The following PIGL variants were observed in gnomAD, a reference collection of about 807,000 sequenced individuals.
The protein encoded by PIGL is N-acetylglucosaminyl-phosphatidylinositol de-N-acetylase.
In PIGL, 22 loss-of-function variants were observed where a neutral mutation model predicts 31.1. The ratio of observed to expected loss-of-function variants is 0.71; its 90% CI spans 0.51 to 1.01. The LOEUF (loss-of-function observed/expected upper bound fraction) is 1.01. Among genes scored for constraint, PIGL ranks in the 50% least tolerant of loss-of-function variants. The pLI is 0.00. For missense variants in PIGL, 302 were observed against 315.9 expected (o/e 0.96, Z 0.33); for synonymous variants, 131 against 117.4 (o/e 1.12, Z -0.75).
intron 2 of PIGL, among the ~76,000 whole-genome samples, chr17:16,295,058 A>G (rs758950775): frequency 6.6e-5 from 10 of 152,134 alleles, no homozygotes; most frequent in Non-Finnish European, 1.2e-4. Context: ...TCTTGGTTAG[A>G]CCTTGACTGA....
rs149786624 is a variant in PIGL, at chr17:16,313,732, C to T, written c.494+118C>T. On this transcript the variant is annotated intron_variant, in intron 4 of 6. Transcript: ENST00000225609. ...CTGAGCCCATGAAACTCACTGCTGGCTTATCTTCTAGCCCTTTTTGGCCAT... is the reference window on the plus strand; with the variant it reads ...CTGAGCCCATGAAACTCACTGCTGGTTTATCTTCTAGCCCTTTTTGGCCAT... 339 of 822,348 alleles carry T rather than the reference C, an allele frequency of 4.1e-4. No homozygotes were observed. The African/African-American group carries it at 4.5e-3, about 11-fold the overall frequency. 50.9% of individuals were successfully genotyped at this position (822,348 alleles called of 1,614,324 possible).
intron 2 of PIGL, among the ~76,000 whole-genome samples, chr17:16,293,243 G>A (rs571031547): frequency 3.9e-5 from 6 of 152,192 alleles, no homozygotes; most frequent in Non-Finnish European, 5.9e-5. Flanking sequence ...GCAATCTTTC[G>A]GCCTGGCGCA....
rs1380351748 is a variant in PIGL, at chr17:16,287,798, C to T, written c.336-12090C>T. Among the ~76,000 whole-genome samples the T allele has an allele frequency of 2.0e-5, 3 of 152,226 alleles. No individual in the cohort carries two copies. In the East Asian group the frequency reaches 5.8e-4, roughly 29 times the overall value. On this transcript the variant is annotated intron_variant, in intron 2 of 6. Coordinates refer to ENST00000225609, the MANE Select transcript of PIGL (RefSeq NM_004278.4). ...GTTATCTTTAGCATATTTCATAAGC[C>T]ACAATTCAGGAAGTTAGAGAAATTG... is the stretch of plus-strand genomic sequence containing the variant.
intron 2 of PIGL, among the ~76,000 whole-genome samples, chr17:16,258,093 G>GAGAA (rs1568802761): frequency 1.5e-5 from 2 of 132,936 alleles, no homozygotes; most frequent in Admixed American, 1.5e-4. Flanking sequence ...GAGAGAGAGA[G>GAGAA]AGAGAGAGAA....
Position 16,325,991 on chromosome 17 carries a change from C to A in PIGL, c.*93C>A. 1 of 895,494 alleles carries A rather than the reference C, an allele frequency of 1.1e-6. No individual in the cohort carries two copies. Among genetic ancestry groups the A allele is most frequent in the Non-Finnish European group, 1.8e-6 (1 of 551,260 alleles). The allele number at this position is 895,494 out of a possible 1,614,324, so 55.5% of individuals were successfully genotyped here. A position where few individuals can be genotyped will look rare whatever the true frequency, so the allele number is the denominator to read the frequency against. Reference sequence around the variant, plus strand: ...CCTGGCACTGGCTTATTTACCTGAGCTCAAGGAGATCCCCGCTGGAGCAGC... The same window carrying A: ...CCTGGCACTGGCTTATTTACCTGAGATCAAGGAGATCCCCGCTGGAGCAGC... On this transcript the variant is annotated 3_prime_UTR_variant, in exon 7 of 7. Transcript: ENST00000225609.
In PIGL at chr17:16,317,916, T is replaced by C. The variant is rs374891417; in HGVS notation, c.660+8T>C. On this transcript the variant is annotated splice_region_variant and intron_variant, in intron 6 of 6. Coordinates refer to ENST00000225609, the MANE Select transcript of PIGL (RefSeq NM_004278.4). ...GAAGTGGCACAGGCCAAGGTGAGGATTGTAAATTCCTGGACACCCCAACTC... is the reference window on the plus strand; with the variant it reads ...GAAGTGGCACAGGCCAAGGTGAGGACTGTAAATTCCTGGACACCCCAACTC... 143 of 1,608,848 alleles carry C rather than the reference T, an allele frequency of 8.9e-5. 1 individual carries two copies. The African/African-American group carries it at 1.4e-3, about 15-fold the overall frequency.
At chr17:16,225,420 G>T (rs577755972) in intron 1 of PIGL, among the ~76,000 whole-genome samples, 1 of 130,944 alleles carries the variant, frequency 7.6e-6, no homozygotes. Flanking sequence ...ACGGAGTCTA[G>T]CTCTGTTGCC....
At chr17:16,247,447 T>C (rs1469365416) in intron 2 of PIGL, among the ~76,000 whole-genome samples, 7 of 152,164 alleles carry the variant, frequency 4.6e-5, no homozygotes, top group Admixed American at 6.5e-5. Flanking sequence ...TTACAAAATA[T>C]AAGGAATGGA....
chr17:16,275,464 A>G (rs7225649), intron 2 of PIGL, among the ~76,000 whole-genome samples: 6,480 of 152,164 alleles, frequency 0.043, 456 homozygotes, highest in African/African-American at 0.15. Flanking sequence ...ATCTCATCCT[A>G]TAAGTAAGAA....
intron 2 of PIGL, among the ~76,000 whole-genome samples, chr17:16,245,045 T>C (rs1190013775): frequency 1.3e-5 from 2 of 151,530 alleles, no homozygotes; most frequent in African/African-American, 2.4e-5. Context: ...CAGGCTGGAG[T>C]GTAATGGTGC....
At chr17:16,218,133 G>C (rs1448277749) in intron 1 of PIGL, 1 of 152,206 alleles carries the variant, frequency 6.6e-6, no homozygotes, top group Non-Finnish European at 1.5e-5. Flanking sequence ...TATAAATGAA[G>C]TAATTGAATT....
intron 1 of PIGL, among the ~76,000 whole-genome samples, chr17:16,224,551 A>G (rs2092643594): frequency 6.6e-6 from 1 of 151,900 alleles, no homozygotes; most frequent in South Asian, 2.1e-4. Flanking sequence ...AGGTGATCCA[A>G]TCCTTCTTGG....
At chr17:16,278,502 G>C (rs903403736) in intron 2 of PIGL, among the ~76,000 whole-genome samples, 2 of 152,210 alleles carry the variant, frequency 1.3e-5, no homozygotes, top group South Asian at 4.1e-4. Flanking sequence ...TTGTTAAAGA[G>C]CAGATTAGTG....
chr17:16,242,134 A>T (rs2092725701), intron 2 of PIGL, among the ~76,000 whole-genome samples: 1 of 152,024 alleles, frequency 6.6e-6, no homozygotes, highest in African/African-American at 2.4e-5. Context: ...TCTCACTGCA[A>T]ACTCTAACTT....
chr17:16,268,791 C>A (rs2092856802), intron 2 of PIGL, among the ~76,000 whole-genome samples: 2 of 150,976 alleles, frequency 1.3e-5, no homozygotes, highest in Non-Finnish European at 3.0e-5. Flanking sequence ...AGATGGGAGT[C>A]TTGTTCTGTC....
chr17:16,258,262 C>T (rs1208260735), intron 2 of PIGL, among the ~76,000 whole-genome samples: 1 of 147,970 alleles, frequency 6.8e-6, no homozygotes, highest in African/African-American at 2.5e-5. Flanking sequence ...TCACTGCAAC[C>T]TCTGCCTCCC....
chr17:16,265,722 C>T (rs1252776266), intron 2 of PIGL, among the ~76,000 whole-genome samples: 1 of 150,996 alleles, frequency 6.6e-6, no homozygotes, highest in Non-Finnish European at 1.5e-5. Context: ...GCATGGGCAA[C>T]AGAGCGAGAC....
chr17:16,234,983 G>A (rs888608387), intron 2 of PIGL, among the ~76,000 whole-genome samples: 4 of 151,880 alleles, frequency 2.6e-5, no homozygotes, highest in Middle Eastern at 3.2e-3. Context: ...ACTGATTATC[G>A]AGACTTTACT....
chr17:16,222,571 G>A (rs1218442046), intron 1 of PIGL, among the ~76,000 whole-genome samples: 1 of 152,068 alleles, frequency 6.6e-6, no homozygotes, highest in Non-Finnish European at 1.5e-5. Context: ...AAGAAGCCAG[G>A]ACCCTGTGGT....
Sources: gnomAD v4.1 joint callset for allele counts (sites outside exome capture counted in the v4.1 genomes callset) on GRCh38, gnomAD v4.1.1 for gene constraint, MANE v1.5 for transcripts, NCBI Gene and HGNC (gene_info 2026-07-23, HGNC 2026-07-21) for gene names.